The following TRAPPC9 variants were observed in gnomAD, a reference collection of about 807,000 sequenced individuals.
TRAPPC9 encodes IKK2 binding protein.
A neutral mutation model predicts 124.0 loss-of-function variants in TRAPPC9; 83 were observed. That is an observed-to-expected ratio of 0.67 (90% CI 0.56 to 0.80). The LOEUF (loss-of-function observed/expected upper bound fraction) is 0.80. TRAPPC9 is among the 30% of genes least tolerant of loss of function. The pLI, the probability that TRAPPC9 is intolerant of heterozygous loss-of-function variation, is 0.00. For missense variants in TRAPPC9, 1,302 were observed against 1,508.3 expected (o/e 0.86, Z 2.27); for synonymous variants, 638 against 617.5 (o/e 1.03, Z -0.49).
intron 21 of TRAPPC9, among the ~76,000 whole-genome samples, chr8:139,807,013 T>G (rs565172756): frequency 7.5e-4 from 114 of 152,278 alleles, no homozygotes; most frequent in African/African-American, 2.6e-3. Context: ...GCCGATGCCC[T>G]CGAGACACCT....
At chr8:140,176,234 C>T (rs895357924) in intron 17 of TRAPPC9, among the ~76,000 whole-genome samples, 1 of 152,192 alleles carries the variant, frequency 6.6e-6, no homozygotes, top group Non-Finnish European at 1.5e-5. Context: ...AATAAATTAA[C>T]GTACTGGTGT....
At chr8:140,112,187 G>C (rs2060789811) in intron 17 of TRAPPC9, among the ~76,000 whole-genome samples, 1 of 152,212 alleles carries the variant, frequency 6.6e-6, no homozygotes, top group Admixed American at 6.5e-5. Flanking sequence ...TGCAAGGAGA[G>C]TAATGGAGAA....
chr8:140,201,770 T>C (rs911208305), intron 17 of TRAPPC9, among the ~76,000 whole-genome samples: 2 of 152,124 alleles, frequency 1.3e-5, no homozygotes, highest in South Asian at 2.1e-4. Context: ...CTAGAACTTA[T>C]GAAGGGAAGA....
chr8:139,738,892 A>C (rs1405502458), intron 21 of TRAPPC9, among the ~76,000 whole-genome samples: 4 of 151,988 alleles, frequency 2.6e-5, no homozygotes, highest in Non-Finnish European at 4.4e-5. Flanking sequence ...CCTCATTTGG[A>C]ATGGTCGCAC....
At chr8:140,333,635 C>A (rs1194816112) in intron 9 of TRAPPC9, among the ~76,000 whole-genome samples, 2 of 152,242 alleles carry the variant, frequency 1.3e-5, no homozygotes, top group African/African-American at 4.8e-5. Flanking sequence ...AGGTGATCCA[C>A]CCGCCTCAGC....
chr8:139,895,822 T>TA (rs1457827183), intron 20 of TRAPPC9, among the ~76,000 whole-genome samples: 5 of 152,236 alleles, frequency 3.3e-5, no homozygotes, highest in African/African-American at 1.2e-4. Flanking sequence ...TTTCTTGAAA[T>TA]AAAGACCTAC....
At chr8:140,108,375 A>G in intron 17 of TRAPPC9, among the ~76,000 whole-genome samples, 1 of 152,182 alleles carries the variant, frequency 6.6e-6, no homozygotes, top group East Asian at 1.9e-4. Context: ...AATTCTGATG[A>G]GCTAGTTTGG....
intron 18 of TRAPPC9, among the ~76,000 whole-genome samples, chr8:140,020,361 T>A (rs1164420370): frequency 6.6e-6 from 1 of 152,208 alleles, no homozygotes; most frequent in African/African-American, 2.4e-5. Context: ...TTTACTGTAT[T>A]ATAAATAACA....
At chr8:139,977,762 C>T (rs1451481127) in intron 19 of TRAPPC9, among the ~76,000 whole-genome samples, 1 of 151,872 alleles carries the variant, frequency 6.6e-6, no homozygotes, top group Non-Finnish European at 1.5e-5. Context: ...CTCACTGTAG[C>T]CTCCGTCTCC....
chr8:140,308,010 C>T (rs2066184769), intron 10 of TRAPPC9, among the ~76,000 whole-genome samples: 1 of 152,104 alleles, frequency 6.6e-6, no homozygotes, highest in South Asian at 2.1e-4. Flanking sequence ...AAAGTATAGT[C>T]ATTTCTACTT....
At chr8:139,996,817 GC>G (rs1267136251) in intron 18 of TRAPPC9, among the ~76,000 whole-genome samples, 3 of 152,098 alleles carry the variant, frequency 2.0e-5, no homozygotes, top group Admixed American at 1.3e-4. Context: ...TCGGCTCATT[GC>G]AACCTCTGCC....
chr8:140,160,432 G>A lies in TRAPPC9; in HGVS notation c.2556+61027C>T, dbSNP rs147439678. On this transcript the variant is annotated intron_variant, in intron 17 of 22. Transcript: ENST00000438773. Reference sequence around the variant, plus strand: ...CAATAAGAGACTAGATAAAGAAAACGTGGCACATATACACCATGGAATACT... The same window carrying A: ...CAATAAGAGACTAGATAAAGAAAACATGGCACATATACACCATGGAATACT... 6.8e-4 allele frequency among the ~76,000 whole-genome samples: 103 copies of A among 152,280 alleles called. No individual in the cohort carries two copies. The East Asian group carries it at 0.018, about 26-fold the overall frequency.
At chr8:140,313,006 C>G (rs145035610) in intron 9 of TRAPPC9, among the ~76,000 whole-genome samples, 4 of 152,164 alleles carry the variant, frequency 2.6e-5, no homozygotes, top group African/African-American at 4.8e-5. Context: ...GTGATCCCCC[C>G]ACCTTGGCCT....
At chr8:139,847,820 G>A (rs533134900) in intron 21 of TRAPPC9, among the ~76,000 whole-genome samples, 6 of 152,180 alleles carry the variant, frequency 3.9e-5, no homozygotes, top group Non-Finnish European at 7.4e-5. Flanking sequence ...CTGACGGCCC[G>A]GCCTGGGGAT....
intron 17 of TRAPPC9, among the ~76,000 whole-genome samples, chr8:140,082,952 T>C (rs893058964): frequency 1.3e-5 from 2 of 152,292 alleles, no homozygotes; most frequent in African/African-American, 4.8e-5. Context: ...CCCAGCACTT[T>C]GGGTGGCCGA....
intron 9 of TRAPPC9, among the ~76,000 whole-genome samples, chr8:140,333,259 A>G (rs1446108866): frequency 6.6e-6 from 1 of 152,082 alleles, no homozygotes; most frequent in East Asian, 1.9e-4. Context: ...ATTATGCATA[A>G]TTTTTTCCTG....
At chr8:139,877,931 T>TGGCAAGG (rs1233871572) in intron 21 of TRAPPC9, among the ~76,000 whole-genome samples, 1 of 152,206 alleles carries the variant, frequency 6.6e-6, no homozygotes, top group Non-Finnish European at 1.5e-5. Context: ...CGCTGACTCC[T>TGGCAAGG]TGCCAGTCCG....
intron 21 of TRAPPC9, among the ~76,000 whole-genome samples, chr8:139,855,036 G>T (rs1041604657): frequency 1.3e-5 from 2 of 152,168 alleles, no homozygotes; most frequent in Non-Finnish European, 2.9e-5. Flanking sequence ...AGGCAGATGC[G>T]TCAATGATTA....
chr8:139,887,370 G>A (rs986472383), intron 20 of TRAPPC9, among the ~76,000 whole-genome samples: 2 of 151,924 alleles, frequency 1.3e-5, no homozygotes, highest in African/African-American at 2.4e-5. Context: ...ACAGGCACCC[G>A]CCACCATGCC....
Sources: gnomAD v4.1 joint callset for allele counts (sites outside exome capture counted in the v4.1 genomes callset) on GRCh38, gnomAD v4.1.1 for gene constraint, MANE v1.5 for transcripts, NCBI Gene and HGNC (gene_info 2026-07-23, HGNC 2026-07-21) for gene names.